Variants in HSP90AA1 observed in about 807,000 individuals in gnomAD.
HSP90AA1 encodes the protein heat shock protein 90 alpha family class A member 1, also known as heat shock protein HSP 90-alpha.
In HSP90AA1, 18 loss-of-function variants were observed where a neutral mutation model predicts 73.3. The observed-to-expected ratio is 0.25, with a 90% CI of 0.17 to 0.36. The LOEUF is 0.36. Among genes scored for constraint, HSP90AA1 ranks in the 10% least tolerant of loss-of-function variants. The pLI is 1.00. For synonymous variants in HSP90AA1, 477 were observed against 296.9 expected (o/e 1.61, Z -6.24); for missense variants, 704 against 874.2 (o/e 0.81, Z 2.45).
At chr14:102,084,621 G>C in intron 5 of HSP90AA1, 57 bp from the exon 6 acceptor site, 2 of 1,614,100 alleles carry the variant, frequency 1.2e-6, no homozygotes, top group Non-Finnish European at 1.7e-6. Flanking sequence ...GAAGATATTT[G>C]GGGTGGTGGA....
chr14:102,102,652 A>G (rs1480703517), intron 1 of HSP90AA1, among the ~76,000 whole-genome samples: 2 of 152,222 alleles, frequency 1.3e-5, no homozygotes, highest in Non-Finnish European at 2.9e-5. Context: ...GACTTGTGAG[A>G]GTTTCTCATC....
At chr14:102,136,047 G>A (rs1222928306) in intron 1 of HSP90AA1, among the ~76,000 whole-genome samples, 1 of 152,234 alleles carries the variant, frequency 6.6e-6, no homozygotes. Flanking sequence ...CCAGGGCTCT[G>A]AGGACTGCCA....
At chr14:102,113,711 T>C (rs1188592290) in intron 1 of HSP90AA1, among the ~76,000 whole-genome samples, 1 of 151,512 alleles carries the variant, frequency 6.6e-6, no homozygotes, top group Non-Finnish European at 1.5e-5. Context: ...TATTTTTATT[T>C]ATTTATTTGT....
intron 2 of HSP90AA1, among the ~76,000 whole-genome samples, chr14:102,092,727 C>A (rs76022146): frequency 0.027 from 4,124 of 152,088 alleles, 189 homozygotes; most frequent in African/African-American, 0.093. Context: ...TGAAATACAT[C>A]AAATTGTACT....
rs377067991 is a variant in HSP90AA1, at chr14:102,082,217, A to C, written c.1983T>G (p.Asp661Glu). Residue 661 changes from aspartate to glutamate, a missense_variant, in exon 10 of 11, where the codon GAT (aspartate) becomes GAG (glutamate). Asp to Glu is a conservative substitution (Grantham distance 45). Coordinates refer to ENST00000216281, the MANE Select transcript of HSP90AA1 (RefSeq NM_005348.4). ...CAGTTTCATAAAGCAAGATGACCAG[A>C]TCCTTCACAGACTTGTCGTTCTTAT... ...EADKNDKSVK[D>E]LVILLYETAL... is the part of the protein sequence containing the mutation. 6.2e-7 allele frequency: 1 copy of C among 1,613,862 alleles called. No individual in the cohort carries two copies. The highest frequency in any genetic ancestry group is 2.2e-5 in the East Asian group (1 of 44,888).
At chr14:102,132,713 C>T (rs1056408175) in intron 1 of HSP90AA1, among the ~76,000 whole-genome samples, 1 of 152,120 alleles carries the variant, frequency 6.6e-6, no homozygotes, top group Non-Finnish European at 1.5e-5. Context: ...AATCTCAGCA[C>T]TCTGGGAGGC....
chr14:102,106,689 G>A (rs1014260136), intron 1 of HSP90AA1, among the ~76,000 whole-genome samples: 2 of 151,872 alleles, frequency 1.3e-5, no homozygotes, highest in South Asian at 4.2e-4. Context: ...GATTACAGGC[G>A]CCTGCCACTA....
intron 2 of HSP90AA1, among the ~76,000 whole-genome samples, chr14:102,099,513 G>A (rs931387580): frequency 3.9e-5 from 6 of 152,010 alleles, no homozygotes; most frequent in African/African-American, 7.3e-5. Context: ...AGCCGAGAGC[G>A]CACCATTCAC....
chr14:102,106,891 A>G (rs2049576335), intron 1 of HSP90AA1, among the ~76,000 whole-genome samples: 1 of 152,016 alleles, frequency 6.6e-6, no homozygotes, highest in Non-Finnish European at 1.5e-5. Flanking sequence ...GATGAAGGGA[A>G]GTATAATCAG....
chr14:102,091,241 A>G (rs956255533), upstream of HSP90AA1, among the ~76,000 whole-genome samples: 1 of 152,098 alleles, frequency 6.6e-6, no homozygotes, highest in African/African-American at 2.4e-5. Flanking sequence ...GGCTTAGGAG[A>G]GGTAAGTCCT....
intron 1 of HSP90AA1, among the ~76,000 whole-genome samples, chr14:102,117,622 A>G (rs1307823641): frequency 6.6e-6 from 1 of 152,122 alleles, no homozygotes; most frequent in African/African-American, 2.4e-5. Context: ...CTACCACTCA[A>G]TAAAGCTCCT....
At chr14:102,082,592 A>G (rs2049123732) in intron 9 of HSP90AA1, 148 bp from the exon 10 acceptor site, 4 of 678,514 alleles carry the variant, frequency 5.9e-6, no homozygotes, top group Admixed American at 5.0e-5. Context: ...AGGTATCCAA[A>G]GAGCACAGGT....
At position 102,084,661 on chromosome 14, in the gene HSP90AA1, A is replaced by C; in HGVS notation, c.981+20T>G. ...GATGATAATCTAAGGACAAGCTTGA[A>C]GCACCCATCAGTCACTCACCTTCAC... On this transcript the variant is annotated intron_variant, in intron 5 of 10. Transcript: ENST00000216281. The C allele has an allele frequency of 6.2e-7, 1 of 1,613,952 alleles. No homozygotes were observed. Among genetic ancestry groups the C allele is most frequent in the Non-Finnish European group, 8.5e-7 (1 of 1,179,872 alleles).
chr14:102,139,707 C>T, upstream of HSP90AA1: 1 of 724,192 alleles, frequency 1.4e-6, no homozygotes. Flanking sequence ...CCTGCGGACG[C>T]CCAGTCGGGT....
intron 1 of HSP90AA1, among the ~76,000 whole-genome samples, chr14:102,134,167 G>C (rs180949304): frequency 1.3e-5 from 2 of 148,654 alleles, no homozygotes; most frequent in Non-Finnish European, 3.0e-5. Flanking sequence ...AAAAAACCCC[G>C]TCTCTATAAA....
At chr14:102,127,105 G>A (rs999412453) in intron 1 of HSP90AA1, among the ~76,000 whole-genome samples, 1 of 150,106 alleles carries the variant, frequency 6.7e-6, no homozygotes, top group Non-Finnish European at 1.5e-5. Flanking sequence ...TTATATATAA[G>A]TAACAAGTTA....
chr14:102,132,754 T>G (rs2049923570), intron 1 of HSP90AA1, among the ~76,000 whole-genome samples: 1 of 149,468 alleles, frequency 6.7e-6, no homozygotes, highest in Admixed American at 6.7e-5. Context: ...AGGTCAGGAG[T>G]TCGAGACCAA....
chr14:102,103,600 T>A (rs1356528793), intron 1 of HSP90AA1, among the ~76,000 whole-genome samples: 1 of 151,918 alleles, frequency 6.6e-6, no homozygotes, highest in African/African-American at 2.4e-5. Context: ...GGTCAGGAGT[T>A]CGAGACCAGT....
intron 8 of HSP90AA1, 30 bp downstream of exon 8, chr14:102,083,516 G>A (rs759676924): frequency 2.9e-5 from 47 of 1,605,056 alleles, no homozygotes; most frequent in African/African-American, 5.4e-5. Context: ...TAAGAACGAC[G>A]TGTATGACTG....
Sources: allele counts gnomAD v4.1 joint callset (sites outside exome capture counted in the v4.1 genomes callset), GRCh38; gene constraint gnomAD v4.1.1; transcripts MANE v1.5; gene names NCBI Gene and HGNC (gene_info 2026-07-23, HGNC 2026-07-21).